The following EDEM3 variants were observed in gnomAD, a reference collection of about 807,000 sequenced individuals.
EDEM3 encodes the protein ER degradation-enhancing alpha-mannosidase-like protein 3.
In EDEM3, 60 loss-of-function variants were observed where a neutral mutation model predicts 110.2. The ratio of observed to expected loss-of-function variants is 0.54; its 90% CI spans 0.44 to 0.67. The LOEUF (loss-of-function observed/expected upper bound fraction) is 0.67. Among genes scored for constraint, EDEM3 ranks in the 30% least tolerant of loss-of-function variants. The pLI, the probability that EDEM3 is intolerant of heterozygous loss-of-function variation, is 0.00. For missense variants in EDEM3, 996 were observed against 1,121.0 expected, an observed-to-expected ratio of 0.89 and a Z score of 1.59; for synonymous variants, 352 against 382.9, an observed-to-expected ratio of 0.92 and a Z score of 0.94.
intron 15 of EDEM3, among the ~76,000 whole-genome samples, chr1:184,711,118 G>C (rs1650204066): frequency 6.6e-6 from 1 of 150,764 alleles, no homozygotes; most frequent in Non-Finnish European, 1.5e-5. Context: ...TTTTTTTTGA[G>C]ATGGAGTTTC....
chr1:184,713,356 T>C (rs1650367158), intron 13 of EDEM3, among the ~76,000 whole-genome samples: 1 of 152,222 alleles, frequency 6.6e-6, no homozygotes, highest in Non-Finnish European at 1.5e-5. Flanking sequence ...ATTTACCTGT[T>C]AAGAAGGGAA....
At chr1:184,753,021 T>C (rs137858286) in intron 1 of EDEM3, among the ~76,000 whole-genome samples, 201 of 152,308 alleles carry the variant, frequency 1.3e-3, no homozygotes, top group African/African-American at 4.7e-3. Context: ...TACCGGTAAT[T>C]TTATTTTGAT....
chr1:184,732,521 C>G (rs867435028), intron 6 of EDEM3, among the ~76,000 whole-genome samples: 1 of 152,222 alleles, frequency 6.6e-6, no homozygotes, highest in South Asian at 2.1e-4. Context: ...TAATGGCCAC[C>G]TCATTTACCC....
intron 1 of EDEM3, among the ~76,000 whole-genome samples, chr1:184,751,306 T>C (rs1394458693): frequency 2.6e-5 from 4 of 152,108 alleles, no homozygotes; most frequent in Non-Finnish European, 5.9e-5. Flanking sequence ...TCCTCTTTTT[T>C]TTCCTTCCCT....
At chr1:184,743,540 AG>A (rs1214088149) in intron 2 of EDEM3, among the ~76,000 whole-genome samples, 1 of 152,190 alleles carries the variant, frequency 6.6e-6, no homozygotes, top group Non-Finnish European at 1.5e-5. Context: ...TAAATTTACT[AG>A]GGCTTTGAGG....
chr1:184,704,648 T>A (rs1357947847), intron 18 of EDEM3, among the ~76,000 whole-genome samples: 2 of 10,230 alleles, frequency 2.0e-4, no homozygotes, highest in African/African-American at 1.4e-3. Flanking sequence ...AGACTCTGTC[T>A]CAAAAAAAAA....
chr1:184,728,516 T>C (rs1303687721), intron 6 of EDEM3, among the ~76,000 whole-genome samples: 3 of 152,224 alleles, frequency 2.0e-5, no homozygotes. Context: ...ATAAAATTTG[T>C]AAAAGGACTA....
At chr1:184,753,606 A>G (rs1244458013) in intron 1 of EDEM3, among the ~76,000 whole-genome samples, 1 of 151,712 alleles carries the variant, frequency 6.6e-6, no homozygotes, top group South Asian at 2.1e-4. Context: ...TTTTTTTTCT[A>G]TTCCTTAACT....
chr1:184,736,985 A>G (rs368964634), intron 4 of EDEM3, 40 bp downstream of exon 4: 2 of 1,477,038 alleles, frequency 1.4e-6, no homozygotes, highest in African/African-American at 1.4e-5. Context: ...TTAAGTGTGC[A>G]TATCATGAAT....
At chr1:184,712,648 T>C (rs780892738) in intron 13 of EDEM3, 50 bp from the exon 14 acceptor site, 16 of 1,269,082 alleles carry the variant, frequency 1.3e-5, no homozygotes, top group Non-Finnish European at 1.7e-5. Context: ...ATAATTTAAA[T>C]GCCAACTATA....
At chr1:184,715,625 G>C (rs891543960) in intron 13 of EDEM3, among the ~76,000 whole-genome samples, 3 of 152,128 alleles carry the variant, frequency 2.0e-5, no homozygotes, top group African/African-American at 4.8e-5. Flanking sequence ...CCTTAGGCAA[G>C]TTCCCTAACT....
At chr1:184,744,264 ATATATATATAT>A (rs1414944751) in intron 2 of EDEM3, among the ~76,000 whole-genome samples, 1 of 104,506 alleles carries the variant, frequency 9.6e-6, no homozygotes, top group Non-Finnish European at 1.9e-5. Context: ...ATATATATAT[ATATATATATAT>A]ATATATATAT....
In EDEM3 at chr1:184,693,535, G is replaced by A. The variant is rs1649168407; in HGVS notation, c.*528C>T. 6.6e-6 allele frequency: 1 copy of A among 152,512 alleles called. No individual in the cohort carries two copies. The highest frequency in any genetic ancestry group is 2.4e-5 in the African/African-American group (1 of 41,424). The allele number at this position is 152,512 out of a possible 1,614,324, so 9.4% of individuals were successfully genotyped here. A position where few individuals can be genotyped will look rare whatever the true frequency, so the allele number is the denominator to read the frequency against. On this transcript the variant is annotated 3_prime_UTR_variant, in exon 20 of 20. Transcript: ENST00000318130. ...CAAGAGAAAGCAATGAGCAAAGACT[G>A]TTTTCACCATAAATGCATTTGCTTC...
intron 2 of EDEM3, among the ~76,000 whole-genome samples, chr1:184,741,774 TTC>T (rs1652154765): frequency 6.6e-6 from 1 of 152,240 alleles, no homozygotes; most frequent in African/African-American, 2.4e-5. Context: ...GGTATTGTAG[TTC>T]TCTGATATTC....
At chr1:184,729,976 GCTTTT>G (rs1438157394) in intron 6 of EDEM3, among the ~76,000 whole-genome samples, 6 of 152,076 alleles carry the variant, frequency 3.9e-5, no homozygotes, top group Non-Finnish European at 1.5e-5. Flanking sequence ...AAAAAACTTT[GCTTTT>G]AATTTAATAT....
At chr1:184,749,491 G>T in intron 2 of EDEM3, 56 bp downstream of exon 2, 2 of 1,294,556 alleles carry the variant, frequency 1.5e-6, no homozygotes, top group Non-Finnish European at 1.1e-6. Context: ...AGTTGACTGT[G>T]CTCACATAAT....
chr1:184,695,077 T>C (rs910043807), intron 19 of EDEM3, among the ~76,000 whole-genome samples: 4 of 152,036 alleles, frequency 2.6e-5, no homozygotes, highest in Non-Finnish European at 5.9e-5. Flanking sequence ...TTATAAGATA[T>C]AGTCATTTTA....
intron 16 of EDEM3, among the ~76,000 whole-genome samples, chr1:184,708,729 T>G (rs569287179): frequency 6.6e-6 from 1 of 152,360 alleles, no homozygotes; most frequent in Admixed American, 6.5e-5. Context: ...CCAGATTCAA[T>G]TTGATTCAAA....
At chr1:184,732,513 A>G (rs1651586326) in intron 6 of EDEM3, among the ~76,000 whole-genome samples, 1 of 152,190 alleles carries the variant, frequency 6.6e-6, no homozygotes, top group Non-Finnish European at 1.5e-5. Flanking sequence ...GCTCGAGGTA[A>G]TGGCCACCTC....
Sources: gnomAD v4.1 joint callset for allele counts (sites outside exome capture counted in the v4.1 genomes callset) on GRCh38, gnomAD v4.1.1 for gene constraint, MANE v1.5 for transcripts, NCBI Gene and HGNC (gene_info 2026-07-23, HGNC 2026-07-21) for gene names.